Variants in WNT3A observed in about 807,000 individuals in gnomAD.
WNT3A encodes Wnt family member 3A, also known as protein Wnt-3a.
A neutral mutation model predicts 37.0 loss-of-function variants in WNT3A; 17 were observed. The observed-to-expected ratio is 0.46, with a 90% CI of 0.31 to 0.69. The LOEUF (loss-of-function observed/expected upper bound fraction) is 0.69, where lower values mean the gene tolerates loss of function less well. Ranked by LOEUF, WNT3A falls within the 30% of genes least tolerant of loss-of-function variation. The pLI is 0.05. For synonymous variants in WNT3A, 187 were observed against 211.0 expected, an observed-to-expected ratio of 0.89 and a Z score of 0.99; for missense variants, 411 against 510.2, an observed-to-expected ratio of 0.81 and a Z score of 1.87.
At chr1:228,014,516 C>T (rs371655647) in intron 1 of WNT3A, among the ~76,000 whole-genome samples, 1 of 152,232 alleles carries the variant, frequency 6.6e-6, no homozygotes, top group Admixed American at 6.5e-5. Context: ...AGCCTGCCAG[C>T]CTCAGAAGGA....
intron 2 of WNT3A, among the ~76,000 whole-genome samples, chr1:228,035,685 G>C (rs145770386): frequency 0.02 from 3,035 of 152,304 alleles, 59 homozygotes; most frequent in African/African-American, 0.046. Flanking sequence ...CAGATGCCCA[G>C]GTCCTGCCCT....
At chr1:228,057,408 G>T (rs1318958453) in intron 3 of WNT3A, among the ~76,000 whole-genome samples, 3 of 152,302 alleles carry the variant, frequency 2.0e-5, no homozygotes, top group Admixed American at 6.5e-5. Context: ...ATTGCAAGGG[G>T]CTGCATGTAG....
Position 228,007,037 on chromosome 1 carries a change from G to T in WNT3A, c.-92G>T, listed in dbSNP as rs1308622697. 8 of 938,428 alleles carry T rather than the reference G, an allele frequency of 8.5e-6. No homozygotes were observed. Among genetic ancestry groups the T allele is most frequent in the Non-Finnish European group, 1.1e-5 (8 of 723,614 alleles). 58.1% of individuals were successfully genotyped at this position (938,428 alleles called of 1,614,324 possible). A position where few individuals can be genotyped will look rare whatever the true frequency, so the allele number is the denominator to read the frequency against. On this transcript the variant is annotated 5_prime_UTR_variant, in exon 1 of 4. Coordinates refer to ENST00000284523, the MANE Select transcript of WNT3A (RefSeq NM_033131.4). This position sits in a 1 kb window ranked among gnomAD's most constrained non-coding sequence, Gnocchi z 6.0. ...ACCCGCGGCCGCAGGAGGGCCCAGC[G>T]ACGCCGCCGCGCCAGCTCCCAGGGC... is the stretch of plus-strand genomic sequence containing the variant.
At chr1:228,054,466 A>T (rs138699683) in intron 3 of WNT3A, among the ~76,000 whole-genome samples, 24 of 151,988 alleles carry the variant, frequency 1.6e-4, no homozygotes, top group African/African-American at 5.5e-4. Context: ...CTACTAAAAA[A>T]TAACAAAAAA....
chr1:228,022,579 T>G (rs1031510989), intron 1 of WNT3A, 88 bp from the exon 2 acceptor site: 1 of 1,478,532 alleles, frequency 6.8e-7, no homozygotes, highest in South Asian at 1.4e-5. Flanking sequence ...CCGAATGCAC[T>G]TGAGGCCCCA....
chr1:228,023,580 C>T (rs2030782985), intron 2 of WNT3A, among the ~76,000 whole-genome samples: 1 of 151,968 alleles, frequency 6.6e-6, no homozygotes, highest in Non-Finnish European at 1.5e-5. Context: ...CAGAGAGAGA[C>T]ACAGAGAGAG....
intron 3 of WNT3A, among the ~76,000 whole-genome samples, chr1:228,052,577 C>T (rs376547442): frequency 1.3e-5 from 2 of 152,120 alleles, no homozygotes; most frequent in South Asian, 2.1e-4. Context: ...CAGTGACGGG[C>T]GTAAGGACCA....
intron 3 of WNT3A, among the ~76,000 whole-genome samples, chr1:228,052,242 CA>C (rs2031570840): frequency 6.6e-6 from 1 of 152,200 alleles, no homozygotes; most frequent in African/African-American, 2.4e-5. Flanking sequence ...GTCCCGGGTT[CA>C]AGCGATTCTC....
rs577278907 is a variant in WNT3A, at chr1:228,023,159, A to T, written c.313+251A>T. 5.3e-5 allele frequency among the ~76,000 whole-genome samples: 8 copies of T among 152,338 alleles called. No individual in the cohort carries two copies. The East Asian group carries it at 1.4e-3, about 26-fold the overall frequency. ...CGGGCATTCTAAGGTGACTCCAACC[A>T]TGGCCAGTGGCGGGGCTGCTCCCAG... On this transcript the variant is annotated intron_variant, in intron 2 of 3. Coordinates refer to ENST00000284523, the MANE Select transcript of WNT3A (RefSeq NM_033131.4).
chr1:228,046,452 CTGTG>C (rs2031409223), intron 2 of WNT3A, among the ~76,000 whole-genome samples: 1 of 69,696 alleles, frequency 1.4e-5, no homozygotes, highest in Non-Finnish European at 2.7e-5. Context: ...GTGCATGTGT[CTGTG>C]TGTGCATTGC....
At chr1:228,023,696 C>T (rs574930584) in intron 2 of WNT3A, among the ~76,000 whole-genome samples, 25 of 152,190 alleles carry the variant, frequency 1.6e-4, no homozygotes, top group African/African-American at 5.1e-4. Flanking sequence ...CGAAAATCCG[C>T]GATTTTAAAG....
At chr1:228,048,541 G>A (rs2031476268) in intron 2 of WNT3A, among the ~76,000 whole-genome samples, 1 of 152,160 alleles carries the variant, frequency 6.6e-6, no homozygotes, top group Non-Finnish European at 1.5e-5. Flanking sequence ...GTCAGAGTGT[G>A]GGTCCAAAGT....
At position 228,008,280 on chromosome 1, in the gene WNT3A, C is replaced by G. The variant is rs1041982333; in HGVS notation, c.71+1081C>G. Among the ~76,000 whole-genome samples, 3 of 152,220 alleles carry G rather than the reference C, an allele frequency of 2.0e-5. No individual in the cohort carries two copies. The highest frequency in any genetic ancestry group is 2.9e-5 in the Non-Finnish European group (2 of 68,038). On this transcript the variant is annotated intron_variant, in intron 1 of 3. Transcript: ENST00000284523. This position sits in a 1 kb window ranked among gnomAD's most constrained non-coding sequence, Gnocchi z 4.9. ...CTCCCCACAAGCATGCACACTCCCC[C>G]CCATCCTTCTCCGACGGCAGCCTGG... is the stretch of plus-strand genomic sequence containing the variant.
At position 228,059,261 on chromosome 1, in the gene WNT3A, T is replaced by G; in HGVS notation, c.855T>G (p.Pro285=). Residue 285 remains proline (P), a synonymous_variant, in exon 4 of 4, where the codon CCT becomes CCG. Coordinates refer to ENST00000284523, the MANE Select transcript of WNT3A (RefSeq NM_033131.4). ...EASPNFCEPN[P]ETGSFGTRDR... ...CGCCCAACTTCTGCGAGCCCAACCCTGAGACGGGCTCCTTCGGCACGCGCG... is the reference window on the plus strand; with the variant it reads ...CGCCCAACTTCTGCGAGCCCAACCCGGAGACGGGCTCCTTCGGCACGCGCG... The G allele has an allele frequency of 6.2e-7, 1 of 1,605,918 alleles. No individual in the cohort carries two copies. Among genetic ancestry groups the G allele is most frequent in the Non-Finnish European group, 8.5e-7 (1 of 1,178,614 alleles).
Position 228,050,626 on chromosome 1 carries a change from G to T in WNT3A, c.314-30G>T. ...AAGGCGGTCCTTTGAGCTGAGCCCTGTTAACCCTGCATCTCTCCTCTCTCT... is the reference window on the plus strand; with the variant it reads ...AAGGCGGTCCTTTGAGCTGAGCCCTTTTAACCCTGCATCTCTCCTCTCTCT... On this transcript the variant is annotated intron_variant, in intron 2 of 3. Transcript: ENST00000284523. This position sits in a 1 kb window ranked among gnomAD's most constrained non-coding sequence, Gnocchi z 5.0. 1 of 1,563,936 alleles carries T rather than the reference G, an allele frequency of 6.4e-7. No individual in the cohort carries two copies. The highest frequency in any genetic ancestry group is 8.7e-7 in the Non-Finnish European group (1 of 1,152,232).
chr1:228,010,354 C>T (rs1012889221), intron 1 of WNT3A, among the ~76,000 whole-genome samples: 8 of 152,222 alleles, frequency 5.3e-5, no homozygotes, highest in Non-Finnish European at 1.0e-4. Flanking sequence ...CCCCAGGGTC[C>T]AAGCCCACTT....
intron 1 of WNT3A, among the ~76,000 whole-genome samples, chr1:228,012,823 G>A (rs2030413435): frequency 6.6e-6 from 1 of 152,134 alleles, no homozygotes; most frequent in Non-Finnish European, 1.5e-5. Context: ...GTGGTACCAG[G>A]GAGGTGCTGA....
rs1363346507 is a variant in WNT3A, at chr1:228,050,091, G to C, written c.314-565G>C. Among the ~76,000 whole-genome samples, 2 of 151,960 alleles carry C rather than the reference G, an allele frequency of 1.3e-5. No homozygotes were observed. The highest frequency in any genetic ancestry group is 4.8e-5 in the African/African-American group (2 of 41,340). On this transcript the variant is annotated intron_variant, in intron 2 of 3. Coordinates refer to ENST00000284523, the MANE Select transcript of WNT3A (RefSeq NM_033131.4). This position sits in a 1 kb window ranked among gnomAD's most constrained non-coding sequence, Gnocchi z 5.0. The stretch of plus-strand genomic sequence containing the variant: ...ACCTTGCCAGCTGTATGTTTTTTAA[G>C]ACAGGGCTGGAGTGCAGTGGTGCTA...
chr1:228,040,064 A>G (rs2031240036), intron 2 of WNT3A, among the ~76,000 whole-genome samples: 1 of 152,078 alleles, frequency 6.6e-6, no homozygotes, highest in South Asian at 2.1e-4. Flanking sequence ...CCCCTCAGCC[A>G]TGCAGTGGGG....
Sources: gnomAD v4.1 joint callset for allele counts (sites outside exome capture counted in the v4.1 genomes callset) on GRCh38, gnomAD v4.1.1 for gene constraint, Gnocchi (gnomAD v3.1) non-coding constraint, MANE v1.5 for transcripts, NCBI Gene and HGNC (gene_info 2026-07-23, HGNC 2026-07-21) for gene names.